RUNX1: variants seen among roughly 807,000 people sequenced by gnomAD.
RUNX1 encodes RUNX family transcription factor 1, also known as runt-related transcription factor 1.
Under a neutral mutation model 42.8 loss-of-function variants are expected in RUNX1, and 19 were observed. That is an observed-to-expected ratio of 0.44 (90% CI 0.31 to 0.65). The LOEUF is 0.65. Ranked by LOEUF, RUNX1 falls within the 30% of genes least tolerant of loss-of-function variation. The probability of loss-of-function intolerance (pLI) is 0.07; values close to 1 mark genes in which losing one functional copy is unlikely to be tolerated. For missense variants in RUNX1, 528 were observed against 672.0 expected, an observed-to-expected ratio of 0.79 and a Z score of 2.37; for synonymous variants, 271 against 289.4, an observed-to-expected ratio of 0.94 and a Z score of 0.64.
At chr21:34,930,285 TATATATAAATAA>T (rs1285474338) in intron 2 of RUNX1, among the ~76,000 whole-genome samples, 2 of 137,114 alleles carry the variant, frequency 1.5e-5, no homozygotes, top group African/African-American at 6.0e-5. Flanking sequence ...TATATATATA[TATATATAAATAA>T]ATAAATAAAA....
intron 2 of RUNX1, among the ~76,000 whole-genome samples, chr21:34,984,956 A>G (rs1416838015): frequency 6.6e-6 from 1 of 152,222 alleles, no homozygotes; most frequent in Non-Finnish European, 1.5e-5. Context: ...CAGGGCTGGC[A>G]GCCCAGGCCA....
chr21:34,816,456 T>C (rs1390215554), intron 7 of RUNX1, among the ~76,000 whole-genome samples: 1 of 151,798 alleles, frequency 6.6e-6, no homozygotes, highest in Non-Finnish European at 1.5e-5. Flanking sequence ...TTTACTGTCT[T>C]ACAGCACAGA....
intron 6 of RUNX1, among the ~76,000 whole-genome samples, chr21:34,858,258 G>T (rs969586305): frequency 1.3e-5 from 2 of 152,170 alleles, no homozygotes; most frequent in African/African-American, 4.8e-5. Context: ...TCACAGGATA[G>T]CCTGCAGAGA....
intron 6 of RUNX1, among the ~76,000 whole-genome samples, chr21:34,850,012 A>G (rs1265361567): frequency 6.7e-6 from 1 of 149,974 alleles, no homozygotes; most frequent in African/African-American, 2.4e-5. Flanking sequence ...TCCTAGTTAC[A>G]TGGCTTACAG....
In RUNX1 at chr21:34,792,681, C is replaced by G; in HGVS notation, c.968-71G>C. On this transcript the variant is annotated intron_variant, in intron 8 of 8. Coordinates refer to ENST00000675419, the MANE Select transcript of RUNX1 (RefSeq NM_001754.5). This position sits in a 1 kb window ranked among gnomAD's most constrained non-coding sequence, Gnocchi z 6.9. ...CGGAGGCCACAGCTCTTCCCTCTGC[C>G]CCAGGGGGCTACCCAGGATGATACC... 2 of 1,394,768 alleles carry G rather than the reference C, an allele frequency of 1.4e-6. No individual in the cohort carries two copies. The highest frequency in any genetic ancestry group is 1.9e-6 in the Non-Finnish European group (2 of 1,029,400). 86.4% of individuals were successfully genotyped at this position (1,394,768 alleles called of 1,614,324 possible). A position where few individuals can be genotyped will look rare whatever the true frequency, so the allele number is the denominator to read the frequency against.
At chr21:34,998,693 C>A (rs913707786) in intron 2 of RUNX1, among the ~76,000 whole-genome samples, 8 of 152,238 alleles carry the variant, frequency 5.3e-5, no homozygotes, top group South Asian at 4.2e-4. Flanking sequence ...AGGCACCCGC[C>A]ACCATGCCTG....
At chr21:34,944,395 T>C (rs762180067) in intron 2 of RUNX1, among the ~76,000 whole-genome samples, 2 of 152,214 alleles carry the variant, frequency 1.3e-5, no homozygotes, top group South Asian at 4.1e-4. Flanking sequence ...CTGGGTAAAG[T>C]TGTATAGATT....
At chr21:34,936,602 G>C (rs947458987) in intron 2 of RUNX1, among the ~76,000 whole-genome samples, 18 of 152,166 alleles carry the variant, frequency 1.2e-4, no homozygotes, top group African/African-American at 4.3e-4. Flanking sequence ...AATTGCCCAG[G>C]GATGGGACTG....
intron 6 of RUNX1, among the ~76,000 whole-genome samples, chr21:34,851,183 AT>A (rs1380204673): frequency 6.6e-6 from 1 of 152,208 alleles, no homozygotes; most frequent in Admixed American, 6.5e-5. Context: ...TTCAGAACAA[AT>A]TAGAAAGCCC....
chr21:34,944,875 G>T (rs2058553383), intron 2 of RUNX1, among the ~76,000 whole-genome samples: 1 of 152,188 alleles, frequency 6.6e-6, no homozygotes, highest in African/African-American at 2.4e-5. Flanking sequence ...CACTCTGAAT[G>T]AATTGCTTGT....
intron 7 of RUNX1, among the ~76,000 whole-genome samples, chr21:34,825,549 G>A (rs779681726): frequency 1.3e-5 from 2 of 152,206 alleles, no homozygotes; most frequent in Admixed American, 6.5e-5. Flanking sequence ...TTGTGCATGA[G>A]ATGTTCAGTT....
At chr21:35,002,319 A>T (rs1370648443) in intron 2 of RUNX1, among the ~76,000 whole-genome samples, 1 of 151,582 alleles carries the variant, frequency 6.6e-6, no homozygotes, top group Admixed American at 6.6e-5. Flanking sequence ...TTGCACCCCC[A>T]GCTGCCCCTT....
chr21:34,943,839 C>T (rs930516298), intron 2 of RUNX1, among the ~76,000 whole-genome samples: 6 of 152,110 alleles, frequency 3.9e-5, no homozygotes, highest in Non-Finnish European at 5.9e-5. Flanking sequence ...ACTTTATGCT[C>T]GCCTGACAGA....
At chr21:34,972,440 A>G (rs1004981565) in intron 2 of RUNX1, among the ~76,000 whole-genome samples, 1 of 152,220 alleles carries the variant, frequency 6.6e-6, no homozygotes, top group Non-Finnish European at 1.5e-5. Context: ...AGAAATGTAC[A>G]ATATACATTG....
intron 5 of RUNX1, among the ~76,000 whole-genome samples, chr21:34,869,337 T>C (rs1456438788): frequency 6.6e-6 from 1 of 152,204 alleles, no homozygotes; most frequent in East Asian, 1.9e-4. Context: ...CTTAAACCTA[T>C]TGAACACAGA....
At position 34,792,324 on chromosome 21, in the gene RUNX1, C is replaced by G. The variant is rs1357327999; in HGVS notation, c.1254G>C (p.Met418Ile). The G allele has an allele frequency of 1.3e-6, 2 of 1,552,336 alleles. No homozygotes were observed. Among genetic ancestry groups the G allele is most frequent in the South Asian group, 2.4e-5 (2 of 84,518 alleles). Residue 418 changes from methionine to isoleucine, a missense_variant, in exon 9 of 9, where the codon ATG (methionine) becomes ATC (isoleucine). Physicochemically the swap from Met to Ile is conservative, Grantham distance 10 (BLOSUM62 1). Around this residue, in one of 3 missense-constraint regions of RUNX1, gnomAD observed 331 missense variants for 382.5 expected, o/e 0.87. Coordinates refer to ENST00000675419, the MANE Select transcript of RUNX1 (RefSeq NM_001754.5). This position sits in a 1 kb window ranked among gnomAD's most constrained non-coding sequence, Gnocchi z 6.9. ...GCGGCGGCGAGCGCTCGCCGCCCAC[C>G]ATGGAGAACTGGTAGGAGCCGGCCG... is the stretch of plus-strand genomic sequence containing the variant. ...GASAGSYQFS[M>I]VGGERSPPRI...
At chr21:34,865,279 CGTGTGTGT>C (rs61238560) in intron 5 of RUNX1, among the ~76,000 whole-genome samples, 8,591 of 132,348 alleles carry the variant, frequency 0.065, 365 homozygotes, top group African/African-American at 0.13. Flanking sequence ...GGGTTTTGTG[CGTGTGTGT>C]GTGTGTGTGT....
chr21:34,812,338 A>C lies in RUNX1; in HGVS notation c.806-12876T>G, dbSNP rs562635575. ...CCCCAAAGAGTTGACCTTGATGTGA[A>C]CTAATTGGGATTGCAGTGGGTTAAT... On this transcript the variant is annotated intron_variant, in intron 7 of 8. Transcript: ENST00000675419. 7.9e-5 allele frequency among the ~76,000 whole-genome samples: 12 copies of C among 152,330 alleles called. No homozygotes were observed. The South Asian group carries it at 2.3e-3, about 29-fold the overall frequency.
intron 2 of RUNX1, among the ~76,000 whole-genome samples, chr21:35,036,963 A>G (rs545069587): frequency 6.6e-6 from 1 of 152,298 alleles, no homozygotes; most frequent in South Asian, 2.1e-4. Flanking sequence ...TGCTGGGTAC[A>G]TCACTCTGTG....
Sources: gnomAD v4.1 joint callset for allele counts (sites outside exome capture counted in the v4.1 genomes callset) on GRCh38, gnomAD v4.1.1 for gene constraint, gnomAD v4.1.1 regional missense constraint, Gnocchi (gnomAD v3.1) non-coding constraint, MANE v1.5 for transcripts, NCBI Gene and HGNC (gene_info 2026-07-23, HGNC 2026-07-21) for gene names.